Variants in ACVR1C observed in about 807,000 individuals in gnomAD.
ACVR1C encodes activin A receptor type 1C.
Under a neutral mutation model 57.9 loss-of-function variants are expected in ACVR1C, and 23 were observed. The observed-to-expected ratio is 0.40, with a 90% CI of 0.29 to 0.56. The LOEUF is 0.56. Among genes scored for constraint, ACVR1C ranks in the 20% least tolerant of loss-of-function variants. ACVR1C has a pLI of 0.50. For missense variants in ACVR1C, 480 were observed against 607.9 expected, an observed-to-expected ratio of 0.79 and a Z score of 2.21; for synonymous variants, 214 against 215.3, an observed-to-expected ratio of 0.99 and a Z score of 0.05.
intron 7 of ACVR1C, 131 bp downstream of exon 7, chr2:157,540,959 A>G (rs1054461746): frequency 5.7e-5 from 66 of 1,150,904 alleles, no homozygotes; most frequent in Middle Eastern, 2.1e-4. Context: ...GAAATATATC[A>G]CCAAAAGGTA....
At chr2:157,549,792 T>C (rs1687865684) in intron 4 of ACVR1C, among the ~76,000 whole-genome samples, 1 of 138,574 alleles carries the variant, frequency 7.2e-6, no homozygotes, top group Non-Finnish European at 1.5e-5. Context: ...AAGACCATCC[T>C]GGCTAACACG....
At chr2:157,538,495 A>G in intron 8 of ACVR1C, 78 bp downstream of exon 8, 2 of 1,302,510 alleles carry the variant, frequency 1.5e-6, no homozygotes, top group South Asian at 2.2e-5. Flanking sequence ...TGGAAAAACT[A>G]TATGGTCTCT....
intron 1 of ACVR1C, among the ~76,000 whole-genome samples, chr2:157,592,917 C>T (rs1244033903): frequency 2.6e-5 from 4 of 152,032 alleles, no homozygotes; most frequent in Non-Finnish European, 1.5e-5. Context: ...TATTTGAGTC[C>T]TATGGAAAGG....
chr2:157,605,267 C>A (rs1166124143), intron 1 of ACVR1C, among the ~76,000 whole-genome samples: 1 of 151,580 alleles, frequency 6.6e-6, no homozygotes, highest in Non-Finnish European at 1.5e-5. Flanking sequence ...TTTGTCAATA[C>A]CACACTGTCT....
intron 1 of ACVR1C, chr2:157,597,565 A>G: frequency 8.1e-6 from 8 of 985,358 alleles, no homozygotes; most frequent in Non-Finnish European, 9.6e-6. Context: ...CGCAACCCCC[A>G]GGAGACGTTC....
chr2:157,581,040 T>C (rs1255979598), intron 2 of ACVR1C, among the ~76,000 whole-genome samples: 2 of 152,160 alleles, frequency 1.3e-5, no homozygotes, highest in Admixed American at 6.5e-5. Flanking sequence ...ATTCACTCTA[T>C]TACTTTGGCC....
intron 1 of ACVR1C, among the ~76,000 whole-genome samples, chr2:157,628,341 C>T (rs147630449): frequency 6.6e-6 from 1 of 152,300 alleles, no homozygotes; most frequent in Non-Finnish European, 1.5e-5. Flanking sequence ...TGCCTTTTCC[C>T]TCTTCCGGGC....
chr2:157,558,848 C>G (rs890622231), intron 2 of ACVR1C, among the ~76,000 whole-genome samples: 2 of 152,188 alleles, frequency 1.3e-5, no homozygotes, highest in African/African-American at 4.8e-5. Context: ...ATCTTTCAAA[C>G]TGTCTCCATA....
intron 6 of ACVR1C, 142 bp from the exon 7 acceptor site, chr2:157,541,356 T>G: frequency 1.2e-6 from 1 of 830,008 alleles, no homozygotes. Context: ...AGAATAATTA[T>G]TGGCTCAACC....
intron 1 of ACVR1C, among the ~76,000 whole-genome samples, chr2:157,588,618 T>C (rs772094164): frequency 1.7e-3 from 191 of 114,120 alleles, no homozygotes; most frequent in Non-Finnish European, 1.9e-3. Context: ...GAGTCTCCAA[T>C]ATCCTTTACG....
At chr2:157,578,986 A>G (rs1165512861) in intron 2 of ACVR1C, among the ~76,000 whole-genome samples, 1 of 152,224 alleles carries the variant, frequency 6.6e-6, no homozygotes, top group Non-Finnish European at 1.5e-5. Context: ...ATTCAATTAA[A>G]TTGATTAACA....
chr2:157,548,565 T>A (rs949759199), intron 4 of ACVR1C, among the ~76,000 whole-genome samples: 8 of 151,342 alleles, frequency 5.3e-5, no homozygotes, highest in Non-Finnish European at 1.0e-4. Flanking sequence ...AGCATGGTAC[T>A]GGTACCAAAA....
At chr2:157,583,912 C>T (rs1473425869) in intron 2 of ACVR1C, among the ~76,000 whole-genome samples, 1 of 152,062 alleles carries the variant, frequency 6.6e-6, no homozygotes, top group Non-Finnish European at 1.5e-5. Context: ...AATATTAAAA[C>T]TTCTGGAAGA....
chr2:157,581,706 T>C (rs1239776066), intron 2 of ACVR1C, among the ~76,000 whole-genome samples: 1 of 152,190 alleles, frequency 6.6e-6, no homozygotes, highest in African/African-American at 2.4e-5. Context: ...AAGGATCCAC[T>C]TGGCTTTCAG....
In ACVR1C at chr2:157,559,558, C is replaced by A. The variant is rs541943403; in HGVS notation, c.305-3226G>T. On this transcript the variant is annotated intron_variant, in intron 2 of 8. Transcript: ENST00000243349. ...TTTTAAATTCTTGATCACAGGAAAG[C>A]TCTTATTATTTGATGCTTTGCAATT... Among the ~76,000 whole-genome samples, 3 of 152,248 alleles carry A rather than the reference C, an allele frequency of 2.0e-5. No individual in the cohort carries two copies. In the South Asian group the frequency reaches 6.2e-4, roughly 32 times the overall value.
chr2:157,544,687 GT>G (rs1687707822), intron 4 of ACVR1C, 75 bp from the exon 5 acceptor site: 3 of 1,292,114 alleles, frequency 2.3e-6, no homozygotes, highest in Non-Finnish European at 2.2e-6. Context: ...AAATATCAGT[GT>G]TTAATCTGTA....
chr2:157,579,022 C>CT (rs959597449), intron 2 of ACVR1C, among the ~76,000 whole-genome samples: 1 of 152,148 alleles, frequency 6.6e-6, no homozygotes, highest in African/African-American at 2.4e-5. Context: ...CTCTAATTAA[C>CT]TTTTTTTCCT....
At chr2:157,593,217 A>G (rs1689084023) in intron 1 of ACVR1C, among the ~76,000 whole-genome samples, 1 of 152,192 alleles carries the variant, frequency 6.6e-6, no homozygotes, top group African/African-American at 2.4e-5. Context: ...CCAGAAATAT[A>G]AAAACCATCT....
chr2:157,547,698 A>G (rs1687802067), intron 4 of ACVR1C, among the ~76,000 whole-genome samples: 1 of 144,072 alleles, frequency 6.9e-6, no homozygotes, highest in Non-Finnish European at 1.5e-5. Flanking sequence ...GTTTGAGTTC[A>G]TTGTAGATTC....
Sources: allele counts gnomAD v4.1 joint callset (sites outside exome capture counted in the v4.1 genomes callset), GRCh38; gene constraint gnomAD v4.1.1; transcripts MANE v1.5; gene names NCBI Gene and HGNC (gene_info 2026-07-23, HGNC 2026-07-21).